The following TRPC7 variants were observed in gnomAD, a reference collection of about 807,000 sequenced individuals.
TRPC7 encodes the protein transient receptor potential cation channel subfamily C member 7.
TRPC7 carries 42 observed loss-of-function variants against 90.1 expected under a neutral mutation model. The ratio of observed to expected loss-of-function variants is 0.47; its 90% CI spans 0.36 to 0.60. The LOEUF (loss-of-function observed/expected upper bound fraction) is 0.60. TRPC7 is among the 20% of genes least tolerant of loss of function. The probability of loss-of-function intolerance (pLI) is 0.00; values close to 1 mark genes in which losing one functional copy is unlikely to be tolerated. For missense variants in TRPC7, 955 were observed against 1,112.3 expected, an observed-to-expected ratio of 0.86 and a Z score of 2.01; for synonymous variants, 451 against 436.3, an observed-to-expected ratio of 1.03 and a Z score of -0.42.
chr5:136,232,210 T>C (rs921284418), intron 7 of TRPC7, among the ~76,000 whole-genome samples: 1 of 152,226 alleles, frequency 6.6e-6, no homozygotes, highest in South Asian at 2.1e-4. Context: ...AGAAAGTGCA[T>C]TCTTCCTTCC....
chr5:136,251,101 T>G (rs867145176), intron 6 of TRPC7, among the ~76,000 whole-genome samples: 2 of 152,218 alleles, frequency 1.3e-5, no homozygotes, highest in African/African-American at 4.8e-5. Flanking sequence ...ATGTTATAAC[T>G]ATTATTAGTA....
chr5:136,311,711 C>T (rs1758839377), intron 3 of TRPC7, among the ~76,000 whole-genome samples: 1 of 152,184 alleles, frequency 6.6e-6, no homozygotes, highest in Non-Finnish European at 1.5e-5. Context: ...TCTTTAGCTG[C>T]AGAGCATAAG....
Position 136,356,740 on chromosome 5 carries a change from G to A in TRPC7, c.648C>T (p.Arg216=). The A allele has an allele frequency of 1.2e-6, 2 of 1,612,616 alleles. No homozygotes were observed. The highest frequency in any genetic ancestry group is 1.7e-6 in the Non-Finnish European group (2 of 1,179,070). The change falls in exon 2 of 12, where the codon CGC becomes CGT. Residue 216 remains arginine, a synonymous_variant. Coordinates refer to ENST00000513104, the MANE Select transcript of TRPC7 (RefSeq NM_020389.3). ...GTCCTTTGTAGGCGTTCATGCGCGA[G>A]CGCGAGTGGCTGAAGGAGTCTTTCC... ...KQRKDSFSHS[R]SRMNAYKGLA...
At chr5:136,300,295 C>T (rs1758331633) in intron 3 of TRPC7, among the ~76,000 whole-genome samples, 1 of 152,212 alleles carries the variant, frequency 6.6e-6, no homozygotes, top group Non-Finnish European at 1.5e-5. Flanking sequence ...CTTTTCCACC[C>T]TCTAAAGTTG....
At chr5:136,223,675 A>T (rs1473716753) in intron 10 of TRPC7, among the ~76,000 whole-genome samples, 1 of 152,174 alleles carries the variant, frequency 6.6e-6, no homozygotes, top group Admixed American at 6.5e-5. Flanking sequence ...GGTCTCTTTC[A>T]GAAAGGATTC....
At chr5:136,272,883 C>G (rs1331146646) in intron 4 of TRPC7, among the ~76,000 whole-genome samples, 4 of 152,166 alleles carry the variant, frequency 2.6e-5, no homozygotes, top group East Asian at 1.9e-4. Flanking sequence ...AGAAATCCCT[C>G]TCTGCAACCA....
At chr5:136,336,120 C>T (rs1027971248) in intron 2 of TRPC7, among the ~76,000 whole-genome samples, 5 of 152,114 alleles carry the variant, frequency 3.3e-5, no homozygotes, top group Admixed American at 2.0e-4. Context: ...TTGCCAAACT[C>T]TTACTCATTC....
intron 7 of TRPC7, among the ~76,000 whole-genome samples, chr5:136,241,685 A>G (rs1756170351): frequency 6.6e-6 from 1 of 151,888 alleles, no homozygotes; most frequent in Non-Finnish European, 1.5e-5. Flanking sequence ...TCTTCCAAGT[A>G]TCTGGGAAAA....
chr5:136,320,788 T>A (rs1254502154), intron 2 of TRPC7, among the ~76,000 whole-genome samples: 1 of 152,144 alleles, frequency 6.6e-6, no homozygotes, highest in African/African-American at 2.4e-5. Flanking sequence ...CTCCTCTTTC[T>A]CCAGATATCT....
intron 3 of TRPC7, among the ~76,000 whole-genome samples, chr5:136,304,558 T>G (rs1356289827): frequency 6.6e-6 from 1 of 152,194 alleles, no homozygotes; most frequent in Non-Finnish European, 1.5e-5. Flanking sequence ...GTTCTGGATC[T>G]CAAACATGCT....
At chr5:136,314,470 T>G (rs1243071142) in intron 3 of TRPC7, 2 of 152,222 alleles carry the variant, frequency 1.3e-5, no homozygotes, top group Non-Finnish European at 2.9e-5. Flanking sequence ...CTTTCTAATA[T>G]TAATCTCAAA....
At chr5:136,264,896 G>C (rs539962877) in intron 5 of TRPC7, among the ~76,000 whole-genome samples, 1 of 152,238 alleles carries the variant, frequency 6.6e-6, no homozygotes, top group Admixed American at 6.5e-5. Flanking sequence ...TGGCCGGGTT[G>C]CTGGTTTTAT....
chr5:136,269,503 C>T (rs1021927558), intron 4 of TRPC7, among the ~76,000 whole-genome samples: 1 of 152,176 alleles, frequency 6.6e-6, no homozygotes, highest in South Asian at 2.1e-4. Context: ...GAAATATAGC[C>T]CTGTGGCTGT....
chr5:136,290,905 C>T (rs1757922192), intron 3 of TRPC7, among the ~76,000 whole-genome samples: 1 of 152,196 alleles, frequency 6.6e-6, no homozygotes, highest in African/African-American at 2.4e-5. Flanking sequence ...GGTTGAGTTA[C>T]CCACAAAGGA....
At chr5:136,341,500 T>G (rs893990088) in intron 2 of TRPC7, among the ~76,000 whole-genome samples, 1 of 152,012 alleles carries the variant, frequency 6.6e-6, no homozygotes, top group Non-Finnish European at 1.5e-5. Flanking sequence ...CACCTATGTA[T>G]AAATAAAAGA....
intron 2 of TRPC7, among the ~76,000 whole-genome samples, chr5:136,327,219 G>A (rs769203060): frequency 7.9e-5 from 12 of 152,172 alleles, no homozygotes; most frequent in Non-Finnish European, 1.2e-4. Flanking sequence ...GTGACCCAGT[G>A]TTGCAGACTA....
intron 2 of TRPC7, among the ~76,000 whole-genome samples, chr5:136,352,437 C>A (rs557685887): frequency 3.9e-5 from 6 of 152,020 alleles, no homozygotes; most frequent in Admixed American, 3.9e-4. Flanking sequence ...AGGAGACTAG[C>A]AAAATAAAAT....
intron 2 of TRPC7, among the ~76,000 whole-genome samples, chr5:136,330,362 T>C (rs1325774558): frequency 6.6e-6 from 1 of 152,260 alleles, no homozygotes; most frequent in Non-Finnish European, 1.5e-5. Flanking sequence ...CTAGGAAATA[T>C]ATACTATCAT....
At chr5:136,278,273 G>A (rs551370892) in intron 3 of TRPC7, among the ~76,000 whole-genome samples, 121 of 152,230 alleles carry the variant, frequency 7.9e-4, no homozygotes, top group Non-Finnish European at 1.4e-3. Context: ...GGCTCCTGTG[G>A]TCTTTAGCGT....
Sources: gnomAD v4.1 joint callset for allele counts (sites outside exome capture counted in the v4.1 genomes callset) on GRCh38, gnomAD v4.1.1 for gene constraint, MANE v1.5 for transcripts, NCBI Gene and HGNC (gene_info 2026-07-23, HGNC 2026-07-21) for gene names.